The following DDHD1 variants were observed in gnomAD, a reference collection of about 807,000 sequenced individuals.
DDHD1 encodes the protein phospholipase DDHD1.
DDHD1 carries 49 observed loss-of-function variants against 96.4 expected under a neutral mutation model. That is an observed-to-expected ratio of 0.51 (90% confidence interval 0.40 to 0.64). The LOEUF is 0.64. DDHD1 is among the 30% of genes least tolerant of loss of function. DDHD1 has a pLI of 0.00. For missense variants in DDHD1, 1,106 were observed against 1,161.2 expected, an observed-to-expected ratio of 0.95 and a Z score of 0.69; for synonymous variants, 442 against 446.5, an observed-to-expected ratio of 0.99 and a Z score of 0.13.
intron 4 of DDHD1, among the ~76,000 whole-genome samples, chr14:53,076,833 A>G (rs1228742196): frequency 1.3e-5 from 2 of 152,218 alleles, no homozygotes; most frequent in African/African-American, 4.8e-5. Flanking sequence ...ATAATTGGTT[A>G]GCGACATTTA....
intron 11 of DDHD1, chr14:53,053,452 T>C (rs979089865): frequency 6.6e-6 from 1 of 152,136 alleles, no homozygotes; most frequent in Non-Finnish European, 1.5e-5. Flanking sequence ...AGTAGGAATG[T>C]TCAACCCTAT....
At chr14:53,071,344 AAATG>A (rs1884490085) in intron 6 of DDHD1, among the ~76,000 whole-genome samples, 1 of 152,132 alleles carries the variant, frequency 6.6e-6, no homozygotes, top group African/African-American at 2.4e-5. Context: ...CAATAAGTGT[AAATG>A]CTTTTTTCAG....
At chr14:53,131,214 C>T (rs535964966) in intron 1 of DDHD1, among the ~76,000 whole-genome samples, 6 of 152,298 alleles carry the variant, frequency 3.9e-5, no homozygotes, top group African/African-American at 1.2e-4. Flanking sequence ...AGCCACACCT[C>T]ACTGCTGCCC....
intron 4 of DDHD1, among the ~76,000 whole-genome samples, chr14:53,090,437 C>T (rs140305853): frequency 5.9e-5 from 9 of 152,050 alleles, no homozygotes; most frequent in Non-Finnish European, 7.4e-5. Context: ...ATGTTTATTG[C>T]GGCACTATTC....
intron 1 of DDHD1, among the ~76,000 whole-genome samples, chr14:53,129,257 C>T (rs890386348): frequency 3.3e-5 from 5 of 152,212 alleles, no homozygotes; most frequent in Non-Finnish European, 7.3e-5. Context: ...AGGAGATCCA[C>T]CTATGACCTC....
rs533489174 is a variant in DDHD1 at position 53,048,262 on chromosome 14, T to C, written c.2522-1313A>G. Among the ~76,000 whole-genome samples, 4 of 152,204 alleles carry C rather than the reference T, an allele frequency of 2.6e-5. No individual in the cohort carries two copies. The South Asian group carries it at 8.3e-4, about 32-fold the overall frequency. ...TTTTCAGAGAAGGTTTACATTTAAG[T>C]GGTATAAATACCAATTAGGTTATAA... On this transcript the variant is annotated intron_variant, in intron 12 of 12. Transcript: ENST00000673822.
chr14:53,106,347 T>C (rs1012471865), intron 1 of DDHD1, among the ~76,000 whole-genome samples: 2 of 152,186 alleles, frequency 1.3e-5, no homozygotes, highest in Non-Finnish European at 2.9e-5. Context: ...AATGGTGCTC[T>C]ACTGTAGCCT....
At chr14:53,107,578 G>T (rs909625325) in intron 1 of DDHD1, among the ~76,000 whole-genome samples, 1 of 152,178 alleles carries the variant, frequency 6.6e-6, no homozygotes, top group African/African-American at 2.4e-5. Context: ...ATCACCTGAG[G>T]TCAGGAGATT....
intron 1 of DDHD1, among the ~76,000 whole-genome samples, chr14:53,120,417 T>C (rs1176515571): frequency 2.0e-5 from 3 of 152,194 alleles, no homozygotes; most frequent in South Asian, 2.1e-4. Flanking sequence ...CAAGCTACCA[T>C]TGACTTTCTT....
chr14:53,072,913 G>C (rs1011027441), intron 5 of DDHD1, among the ~76,000 whole-genome samples: 1 of 151,440 alleles, frequency 6.6e-6, no homozygotes, highest in African/African-American at 2.4e-5. Context: ...GAGATGAAAA[G>C]AAACATTAAA....
chr14:53,098,903 G>A (rs1367477209), intron 2 of DDHD1, among the ~76,000 whole-genome samples: 1 of 151,920 alleles, frequency 6.6e-6, no homozygotes, highest in Admixed American at 6.6e-5. Context: ...TTTATAGTCA[G>A]GTCTTGCGTT....
Position 53,118,926 on chromosome 14 carries a change from A to G in DDHD1, c.839-15070T>C, listed in dbSNP as rs187527946. Among the ~76,000 whole-genome samples the G allele has an allele frequency of 3.4e-3, 520 of 152,318 alleles. 1 individual carries two copies. Among genetic ancestry groups the G allele is most frequent in the Middle Eastern group, 0.01 (3 of 294 alleles). ...GGCAGCCAGGGAGAAAGGTCAGGTT[A>G]CCCACAAAGGAAAGCCCATCAGACT... On this transcript the variant is annotated intron_variant, in intron 1 of 12. Transcript: ENST00000673822.
chr14:53,081,506 G>A (rs1162995527), intron 4 of DDHD1, among the ~76,000 whole-genome samples: 2 of 152,166 alleles, frequency 1.3e-5, no homozygotes, highest in East Asian at 1.9e-4. Flanking sequence ...TTTGTACTTC[G>A]AGGGACACTT....
At position 53,073,849 on chromosome 14, in the gene DDHD1, T is replaced by TA. The variant is rs775122426; in HGVS notation, c.1290-3dup. The TA allele has an allele frequency of 1.2e-6, 2 of 1,606,796 alleles. No individual in the cohort carries two copies. Among genetic ancestry groups the TA allele is most frequent in the East Asian group, 4.5e-5 (2 of 44,764 alleles). ...ATTTTTCTTGCAGCTTCTCTCATCC[T>TA]AAAAAAACAAACAAACAAAAATGCA... On this transcript the variant is annotated splice_region_variant and splice_polypyrimidine_tract_variant and intron_variant, in intron 4 of 12. Coordinates refer to ENST00000673822, the MANE Select transcript of DDHD1 (RefSeq NM_001160148.2).
chr14:53,071,633 A>C (rs1884516539), intron 6 of DDHD1, among the ~76,000 whole-genome samples: 1 of 152,094 alleles, frequency 6.6e-6, no homozygotes, highest in Non-Finnish European at 1.5e-5. Context: ...ATTCCTGATA[A>C]ATAAATTTTA....
At chr14:53,111,076 G>C (rs1271457556) in intron 1 of DDHD1, among the ~76,000 whole-genome samples, 1 of 152,174 alleles carries the variant, frequency 6.6e-6, no homozygotes. Flanking sequence ...GGTTCTTCTT[G>C]ACTGAAAAAT....
intron 1 of DDHD1, among the ~76,000 whole-genome samples, chr14:53,139,843 CAA>C (rs56999105): frequency 0.29 from 38,456 of 131,244 alleles, 5,158 homozygotes; most frequent in African/African-American, 0.33. Flanking sequence ...CAAGAGACCA[CAA>C]AAAAAAAAAA....
chr14:53,092,879 T>C (rs1157242998), intron 3 of DDHD1: 2 of 153,062 alleles, frequency 1.3e-5, no homozygotes, highest in African/African-American at 4.9e-5. Flanking sequence ...AAAAAGGAGT[T>C]GTCTATTCTC....
intron 2 of DDHD1, among the ~76,000 whole-genome samples, chr14:53,096,640 A>G (rs763526273): frequency 9.2e-5 from 14 of 152,010 alleles, no homozygotes; most frequent in Admixed American, 2.6e-4. Flanking sequence ...AACATTTTAC[A>G]TATCTAATGC....
Sources: gnomAD v4.1 joint callset for allele counts (sites outside exome capture counted in the v4.1 genomes callset) on GRCh38, gnomAD v4.1.1 for gene constraint, MANE v1.5 for transcripts, NCBI Gene and HGNC (gene_info 2026-07-23, HGNC 2026-07-21) for gene names.